MLIP: variants seen among roughly 807,000 people sequenced by gnomAD.
MLIP encodes muscular LMNA interacting protein.
A neutral mutation model predicts 84.8 loss-of-function variants in MLIP; 79 were observed. The ratio of observed to expected loss-of-function variants is 0.93; its 90% CI spans 0.78 to 1.12. The LOEUF (loss-of-function observed/expected upper bound fraction) is 1.12. Ranked by LOEUF, MLIP falls within the 50% of genes most tolerant of loss-of-function variation. The probability of loss-of-function intolerance (pLI) is 0.00; values close to 1 mark genes in which losing one functional copy is unlikely to be tolerated. For synonymous variants in MLIP, 504 were observed against 463.0 expected (o/e 1.09, Z -1.14); for missense variants, 1,257 against 1,160.6 (o/e 1.08, Z -1.21).
intron 9 of MLIP, among the ~76,000 whole-genome samples, chr6:54,186,731 A>T (rs1777433347): frequency 6.6e-6 from 1 of 152,176 alleles, no homozygotes; most frequent in Non-Finnish European, 1.5e-5. Flanking sequence ...AACTGCCCTC[A>T]TGATCCAATC....
intron 1 of MLIP, among the ~76,000 whole-genome samples, chr6:54,023,318 T>C (rs1763614504): frequency 6.6e-6 from 1 of 151,768 alleles, no homozygotes; most frequent in Non-Finnish European, 1.5e-5. Flanking sequence ...AAAGCAACTC[T>C]TTGAGATTGA....
chr6:54,227,498 A>C (rs1014437096), intron 11 of MLIP, among the ~76,000 whole-genome samples: 2 of 152,214 alleles, frequency 1.3e-5, no homozygotes, highest in Admixed American at 1.3e-4. Context: ...AAATTCCTAC[A>C]AAAGTAGATG....
intron 12 of MLIP, among the ~76,000 whole-genome samples, chr6:54,249,044 G>A (rs1406308430): frequency 6.6e-6 from 1 of 152,110 alleles, no homozygotes; most frequent in Non-Finnish European, 1.5e-5. Flanking sequence ...AGATTGGGGA[G>A]TTCATTTTAC....
intron 5 of MLIP, among the ~76,000 whole-genome samples, chr6:54,154,484 G>T (rs141355980): frequency 4.3e-4 from 65 of 152,244 alleles, no homozygotes; most frequent in Non-Finnish European, 8.5e-4. Flanking sequence ...AGCTAAGTGC[G>T]CTTTCATCTT....
chr6:54,105,901 T>C (rs1022728463), intron 1 of MLIP, among the ~76,000 whole-genome samples: 1 of 152,114 alleles, frequency 6.6e-6, no homozygotes, highest in African/African-American at 2.4e-5. Flanking sequence ...CTATAGGTTG[T>C]TATGAGAACT....
intron 11 of MLIP, chr6:54,203,607 A>AT (rs1778839966): frequency 6.7e-6 from 1 of 148,494 alleles, no homozygotes; most frequent in Non-Finnish European, 1.5e-5. Context: ...TTTTTTTGAG[A>AT]TGGAGTTTCG....
At chr6:54,099,417 A>G (rs1768470182) in intron 1 of MLIP, 1 of 152,012 alleles carries the variant, frequency 6.6e-6, no homozygotes, top group African/African-American at 2.4e-5. Context: ...CCTACAGGCT[A>G]CTCAATTGAA....
intron 4 of MLIP, among the ~76,000 whole-genome samples, chr6:54,148,751 A>G (rs1295185074): frequency 6.6e-6 from 1 of 152,166 alleles, no homozygotes; most frequent in Non-Finnish European, 1.5e-5. Flanking sequence ...CCATTAGGGA[A>G]TGCTGCCAAT....
chr6:54,254,761 T>C (rs1051045223), intron 12 of MLIP, among the ~76,000 whole-genome samples: 1 of 140,572 alleles, frequency 7.1e-6, no homozygotes, highest in African/African-American at 2.7e-5. Flanking sequence ...CCTTCCTTCC[T>C]TCCTTCCCTT....
chr6:54,071,185 T>G (rs1437451100), intron 1 of MLIP, among the ~76,000 whole-genome samples: 1 of 152,102 alleles, frequency 6.6e-6, no homozygotes, highest in African/African-American at 2.4e-5. Context: ...AATAATAAAA[T>G]ATCAACTACT....
At chr6:54,215,571 C>A in intron 11 of MLIP, 1 of 224,542 alleles carries the variant, frequency 4.5e-6, no homozygotes, top group Non-Finnish European at 7.9e-6. Context: ...TTAAATTAAT[C>A]AATGTAACTA....
At chr6:54,037,239 G>A (rs959510112) in intron 1 of MLIP, among the ~76,000 whole-genome samples, 1 of 151,920 alleles carries the variant, frequency 6.6e-6, no homozygotes, top group African/African-American at 2.4e-5. Context: ...TAAGAAGACA[G>A]GGGTACATCG....
intron 11 of MLIP, among the ~76,000 whole-genome samples, chr6:54,230,250 G>C (rs912123892): frequency 6.6e-6 from 1 of 151,910 alleles, no homozygotes; most frequent in South Asian, 2.1e-4. Flanking sequence ...TTGTACTTCT[G>C]CCCCTCCACT....
intron 1 of MLIP, chr6:54,031,318 C>A (rs978368962): frequency 6.6e-6 from 1 of 152,018 alleles, no homozygotes; most frequent in Non-Finnish European, 1.5e-5. Flanking sequence ...GATTTTGGTG[C>A]TTTACTCCTT....
intron 3 of MLIP, among the ~76,000 whole-genome samples, chr6:54,133,210 T>C (rs1421361675): frequency 1.3e-5 from 2 of 152,134 alleles, no homozygotes; most frequent in African/African-American, 4.8e-5. Context: ...GTCTTGAGCA[T>C]AGGTGATCAG....
chr6:54,254,742 C>CCCTCCCTTCCTT (rs1554195171), intron 12 of MLIP, among the ~76,000 whole-genome samples: 11,760 of 124,670 alleles, frequency 0.094, 723 homozygotes, highest in African/African-American at 0.14. Context: ...TTTTCTCCCT[C>CCCTCCCTTCCTT]CCTTCCTTCC....
At position 54,137,671 on chromosome 6, in the gene MLIP, T is replaced by C; in HGVS notation, c.1602T>C (p.Asn534=). 6.5e-7 allele frequency: 1 copy of C among 1,536,016 alleles called. No homozygotes were observed. ...CACCATCACCTACTTTGAAGAGCAA[T>C]ACCATGCTCTCCCTGCTACAAACCA... ...ERTPSPTLKS[N]TMLSLLQTST... The change falls in exon 4 of 14, where the codon AAT becomes AAC. Residue 534 remains asparagine, a synonymous_variant. Transcript: ENST00000502396.
chr6:54,200,753 G>T (rs577547613), intron 10 of MLIP, among the ~76,000 whole-genome samples: 3 of 152,078 alleles, frequency 2.0e-5, no homozygotes, highest in Non-Finnish European at 4.4e-5. Context: ...TCTTAAGTGG[G>T]AGATATTTCT....
At chr6:54,098,652 T>C (rs1304867661) in intron 1 of MLIP, among the ~76,000 whole-genome samples, 2 of 152,100 alleles carry the variant, frequency 1.3e-5, no homozygotes, top group Admixed American at 6.6e-5. Context: ...TGCTTATCTT[T>C]AGAGTGTTGA....
Sources: allele counts gnomAD v4.1 joint callset (sites outside exome capture counted in the v4.1 genomes callset), GRCh38; gene constraint gnomAD v4.1.1; transcripts MANE v1.5; gene names NCBI Gene and HGNC (gene_info 2026-07-23, HGNC 2026-07-21).